The following STXBP4 variants were observed in gnomAD, a reference collection of about 807,000 sequenced individuals.
The protein encoded by STXBP4 is syntaxin-binding protein 4.
STXBP4 carries 55 observed loss-of-function variants against 76.1 expected under a neutral mutation model. That is an observed-to-expected ratio of 0.72 (90% CI 0.58 to 0.91). The LOEUF (loss-of-function observed/expected upper bound fraction) is 0.91, where lower values mean the gene tolerates loss of function less well. Among genes scored for constraint, STXBP4 ranks in the 40% least tolerant of loss-of-function variants. The probability of loss-of-function intolerance (pLI) is 0.00; values close to 1 mark genes in which losing one functional copy is unlikely to be tolerated. For synonymous variants in STXBP4, 201 were observed against 220.2 expected, an observed-to-expected ratio of 0.91 and a Z score of 0.77; for missense variants, 618 against 636.9, an observed-to-expected ratio of 0.97 and a Z score of 0.32.
At chr17:55,193,268 A>G in the STXBP4 span, among the ~76,000 whole-genome samples, 1 of 152,172 alleles carries the variant, frequency 6.6e-6, no homozygotes, top group African/African-American at 2.4e-5. Context: ...GAGCGAGTAA[A>G]GGAGAGCTGA....
chr17:55,113,590 T>C (rs2079748083), intron 16 of STXBP4, among the ~76,000 whole-genome samples: 1 of 152,044 alleles, frequency 6.6e-6, no homozygotes, highest in Non-Finnish European at 1.5e-5. Context: ...AGAGGGAAAA[T>C]GTTAGTTAGG....
At chr17:55,128,944 T>TG (rs1164895676) in intron 16 of STXBP4, among the ~76,000 whole-genome samples, 4 of 147,530 alleles carry the variant, frequency 2.7e-5, no homozygotes, top group Admixed American at 1.3e-4. Flanking sequence ...TTTTTTTTTT[T>TG]TTTTGAGACA....
intron 12 of STXBP4, among the ~76,000 whole-genome samples, chr17:55,067,000 A>G (rs2079060066): frequency 6.6e-6 from 1 of 152,154 alleles, no homozygotes; most frequent in Non-Finnish European, 1.5e-5. Context: ...ATAAATCTGA[A>G]CCCTTTTTTG....
intron 16 of STXBP4, among the ~76,000 whole-genome samples, chr17:55,120,949 T>C (rs954506460): frequency 6.6e-6 from 1 of 152,160 alleles, no homozygotes; most frequent in Non-Finnish European, 1.5e-5. Context: ...CAACACATGA[T>C]GGAATTTTTT....
At chr17:55,005,661 A>G (rs142425123) in intron 7 of STXBP4, among the ~76,000 whole-genome samples, 3 of 151,934 alleles carry the variant, frequency 2.0e-5, no homozygotes, top group African/African-American at 7.2e-5. Flanking sequence ...TCTTCCAATC[A>G]CTTAACACTT....
At chr17:55,081,252 T>C (rs1002719914) in intron 16 of STXBP4, 69 bp downstream of exon 16, 1 of 1,267,752 alleles carries the variant, frequency 7.9e-7, no homozygotes. Context: ...AGTCAGACAG[T>C]TGAATTTCGT....
intron 4 of STXBP4, among the ~76,000 whole-genome samples, chr17:54,998,325 T>C (rs1227158716): frequency 6.6e-6 from 1 of 152,210 alleles, no homozygotes; most frequent in African/African-American, 2.4e-5. Context: ...TCTGTAGTTA[T>C]AAAAATAATG....
intron 16 of STXBP4, among the ~76,000 whole-genome samples, chr17:55,106,983 T>A (rs997359773): frequency 6.6e-6 from 1 of 152,214 alleles, no homozygotes; most frequent in South Asian, 2.1e-4. Flanking sequence ...TGTTGTCCTG[T>A]CTTGCTAGGT....
the STXBP4 span, among the ~76,000 whole-genome samples, chr17:55,208,939 G>A: frequency 3.4e-4 from 52 of 151,626 alleles, no homozygotes; most frequent in Admixed American, 1.4e-3. Flanking sequence ...AAAAATAGCC[G>A]GGCATAGTGG....
intron 7 of STXBP4, 94 bp downstream of exon 7, chr17:55,000,977 G>A (rs905311141): frequency 2.4e-6 from 2 of 820,686 alleles, no homozygotes; most frequent in Admixed American, 2.7e-5. Flanking sequence ...GAAGAAGGGT[G>A]AATTATGTCT....
At chr17:55,204,983 A>G in the STXBP4 span, among the ~76,000 whole-genome samples, 1 of 152,284 alleles carries the variant, frequency 6.6e-6, no homozygotes, top group East Asian at 1.9e-4. Flanking sequence ...TATATTATAT[A>G]TATGTTGTCC....
At chr17:55,138,901 C>G (rs1488735905) in intron 16 of STXBP4, among the ~76,000 whole-genome samples, 1 of 151,964 alleles carries the variant, frequency 6.6e-6, no homozygotes, top group African/African-American at 2.4e-5. Context: ...TGAACTATCA[C>G]TGAGAGATTA....
chr17:55,189,025 A>C, the STXBP4 span, among the ~76,000 whole-genome samples: 1 of 152,074 alleles, frequency 6.6e-6, no homozygotes, highest in East Asian at 1.9e-4. Flanking sequence ...CTCTGGGAAG[A>C]CTTTTCTGAG....
intron 1 of STXBP4, 55 bp downstream of exon 1, chr17:54,968,870 C>A: frequency 1.9e-6 from 1 of 526,334 alleles, no homozygotes; most frequent in Non-Finnish European, 3.4e-6. Context: ...CTCGCCAGAA[C>A]GTCTCTTAAC....
chr17:55,158,606 T>C (rs1456412409), intron 17 of STXBP4, among the ~76,000 whole-genome samples: 7 of 152,192 alleles, frequency 4.6e-5, no homozygotes. Context: ...TCCACCAGGT[T>C]AAGAGCATGA....
intron 1 of STXBP4, among the ~76,000 whole-genome samples, chr17:54,973,277 G>A (rs542700058): frequency 3.9e-5 from 6 of 152,320 alleles, no homozygotes; most frequent in African/African-American, 1.2e-4. Context: ...TTTTTACTGC[G>A]TCTTGTAGAA....
intron 17 of STXBP4, among the ~76,000 whole-genome samples, chr17:55,152,354 G>A (rs2080226024): frequency 6.6e-6 from 1 of 152,072 alleles, no homozygotes; most frequent in African/African-American, 2.4e-5. Flanking sequence ...ATGACTGCTG[G>A]CACAAAGCCT....
At chr17:55,124,399 T>C (rs2079882143) in intron 16 of STXBP4, among the ~76,000 whole-genome samples, 1 of 152,214 alleles carries the variant, frequency 6.6e-6, no homozygotes, top group Non-Finnish European at 1.5e-5. Flanking sequence ...GACTGTGATA[T>C]TTATTAATAG....
At chr17:55,198,101 C>T in the STXBP4 span, among the ~76,000 whole-genome samples, 5 of 152,230 alleles carry the variant, frequency 3.3e-5, no homozygotes, top group Non-Finnish European at 7.3e-5. Context: ...TCATTGGCCA[C>T]TTGGCATACA....
Sources: gnomAD v4.1 joint callset for allele counts (sites outside exome capture counted in the v4.1 genomes callset) on GRCh38, gnomAD v4.1.1 for gene constraint, MANE v1.5 for transcripts, NCBI Gene and HGNC (gene_info 2026-07-23, HGNC 2026-07-21) for gene names.